RPS6KC1: variants seen among roughly 807,000 people sequenced by gnomAD.
RPS6KC1 encodes inactive ribosomal protein S6 kinase delta-1.
A neutral mutation model predicts 103.8 loss-of-function variants in RPS6KC1; 54 were observed. The ratio of observed to expected loss-of-function variants is 0.52; its 90% CI spans 0.42 to 0.65. The LOEUF is 0.65. Among genes scored for constraint, RPS6KC1 ranks in the 30% least tolerant of loss-of-function variants. The pLI is 0.00. For missense variants in RPS6KC1, 1,151 were observed against 1,253.8 expected, an observed-to-expected ratio of 0.92 and a Z score of 1.24; for synonymous variants, 439 against 438.7, an observed-to-expected ratio of 1.00 and a Z score of -0.01.
At chr1:213,788,372 T>G in the RPS6KC1 span, among the ~76,000 whole-genome samples, 9 of 152,304 alleles carry the variant, frequency 5.9e-5, no homozygotes, top group South Asian at 1.5e-3. Flanking sequence ...ATGTTAGAAG[T>G]TGCTGCTTGT....
the RPS6KC1 span, among the ~76,000 whole-genome samples, chr1:213,403,636 C>T: frequency 2.6e-5 from 4 of 152,188 alleles, no homozygotes; most frequent in African/African-American, 7.2e-5. Flanking sequence ...TTGAGGGTTT[C>T]TCCTAGCTCA....
intron 6 of RPS6KC1, among the ~76,000 whole-genome samples, chr1:213,154,534 C>G (rs2089646812): frequency 1.3e-5 from 2 of 152,212 alleles, no homozygotes; most frequent in Admixed American, 1.3e-4. Context: ...CATAGCCACT[C>G]ACCCCAGACC....
the RPS6KC1 span, among the ~76,000 whole-genome samples, chr1:213,507,319 T>C: frequency 6.6e-6 from 1 of 151,922 alleles, no homozygotes; most frequent in African/African-American, 2.4e-5. Context: ...AAAGGGACCA[T>C]TGTGTTGGCA....
chr1:213,667,776 C>A, the RPS6KC1 span, among the ~76,000 whole-genome samples: 4,665 of 152,236 alleles, frequency 0.031, 239 homozygotes, highest in African/African-American at 0.1. Flanking sequence ...TGCTGTATTG[C>A]CTATAATAAG....
the RPS6KC1 span, among the ~76,000 whole-genome samples, chr1:213,801,669 G>A: frequency 2.0e-5 from 3 of 152,094 alleles, no homozygotes; most frequent in Non-Finnish European, 2.9e-5. Flanking sequence ...AGTTCTCCTA[G>A]AAGAAACTCA....
At chr1:213,736,204 C>T in the RPS6KC1 span, among the ~76,000 whole-genome samples, 1 of 152,178 alleles carries the variant, frequency 6.6e-6, no homozygotes, top group South Asian at 2.1e-4. Context: ...TTTATTATCT[C>T]AGTTTCCATG....
chr1:213,128,977 A>T (rs2085291989), intron 5 of RPS6KC1, among the ~76,000 whole-genome samples: 1 of 152,200 alleles, frequency 6.6e-6, no homozygotes, highest in Non-Finnish European at 1.5e-5. Context: ...CTATTAAGTA[A>T]CCTGCTGTTG....
At chr1:213,674,969 A>C in the RPS6KC1 span, among the ~76,000 whole-genome samples, 1 of 151,928 alleles carries the variant, frequency 6.6e-6, no homozygotes. Flanking sequence ...TCCTTTGCCC[A>C]TTTTTTAATG....
At chr1:213,471,314 G>GT in the RPS6KC1 span, among the ~76,000 whole-genome samples, 111 of 152,218 alleles carry the variant, frequency 7.3e-4, no homozygotes, top group African/African-American at 2.6e-3. Context: ...GAACTCTGGG[G>GT]TTTTTTTAGG....
the RPS6KC1 span, among the ~76,000 whole-genome samples, chr1:213,527,711 A>G: frequency 2.0e-5 from 3 of 152,154 alleles, no homozygotes; most frequent in Admixed American, 6.5e-5. Context: ...TGTACATACA[A>G]TTGACCCTTG....
chr1:213,145,014 G>T (rs1294796455), intron 6 of RPS6KC1, among the ~76,000 whole-genome samples: 1 of 152,140 alleles, frequency 6.6e-6, no homozygotes, highest in Non-Finnish European at 1.5e-5. Flanking sequence ...GGCAGAGGTT[G>T]CAGTGAGCTG....
chr1:213,116,870 G>A lies in RPS6KC1; in HGVS notation c.379-447G>A, dbSNP rs570446838. On this transcript the variant is annotated intron_variant, in intron 4 of 14. Coordinates refer to ENST00000366960, the MANE Select transcript of RPS6KC1 (RefSeq NM_012424.6). ...GAAAATTCTTTTCTTTAAGAATGTC[G>A]AATATTGGCCCCCACTCTCTTCTGG... Among the ~76,000 whole-genome samples the A allele has an allele frequency of 3.5e-4, 53 of 152,034 alleles. 2 individuals are homozygous for A. In the Middle Eastern group the frequency reaches 0.017, roughly 49 times the overall value.
At chr1:213,750,677 G>A in the RPS6KC1 span, among the ~76,000 whole-genome samples, 21 of 152,236 alleles carry the variant, frequency 1.4e-4, no homozygotes, top group South Asian at 4.1e-3. Context: ...TACTTCCAGG[G>A]CATCCAGGTA....
At chr1:213,385,265 C>T in the RPS6KC1 span, among the ~76,000 whole-genome samples, 2 of 152,184 alleles carry the variant, frequency 1.3e-5, no homozygotes, top group Non-Finnish European at 2.9e-5. Context: ...ACAGTGTTTG[C>T]AGGAGAAGGT....
At chr1:213,378,292 C>T in the RPS6KC1 span, among the ~76,000 whole-genome samples, 1 of 152,204 alleles carries the variant, frequency 6.6e-6, no homozygotes, top group Non-Finnish European at 1.5e-5. Context: ...CCTTTTTGTT[C>T]TGTTTCCCCA....
intron 8 of RPS6KC1, among the ~76,000 whole-genome samples, chr1:213,217,556 A>G (rs977278270): frequency 6.6e-6 from 1 of 152,238 alleles, no homozygotes; most frequent in African/African-American, 2.4e-5. Context: ...AAAGCCTGAC[A>G]GAGACACAAC....
At chr1:213,097,837 A>G (rs969711589) in intron 3 of RPS6KC1, among the ~76,000 whole-genome samples, 1 of 152,106 alleles carries the variant, frequency 6.6e-6, no homozygotes, top group Non-Finnish European at 1.5e-5. Flanking sequence ...CTTAAACCTC[A>G]TGTACCAACC....
rs541436203 is a variant in RPS6KC1 at position 213,258,562 on chromosome 1, G to T, written c.2912-2996G>T. The stretch of plus-strand genomic sequence containing the variant: ...GTGCCTAATTTGTGCTGCTTCATGT[G>T]TGTTGGTTGAATGAATATGATGGGT... On this transcript the variant is annotated intron_variant, in intron 12 of 14. Transcript: ENST00000366960. 1.3e-4 allele frequency among the ~76,000 whole-genome samples: 20 copies of T among 152,306 alleles called. No homozygotes were observed. The South Asian group carries it at 2.5e-3, about 19-fold the overall frequency.
At chr1:213,768,098 G>T in the RPS6KC1 span, among the ~76,000 whole-genome samples, 2 of 152,148 alleles carry the variant, frequency 1.3e-5, no homozygotes, top group South Asian at 4.1e-4. Flanking sequence ...GAGTTTGGAG[G>T]TTAATAAAGA....
Sources: allele counts gnomAD v4.1 joint callset (sites outside exome capture counted in the v4.1 genomes callset), GRCh38; gene constraint gnomAD v4.1.1; transcripts MANE v1.5; gene names NCBI Gene and HGNC (gene_info 2026-07-23, HGNC 2026-07-21).